The following OSBPL10 variants were observed in gnomAD, a reference collection of about 807,000 sequenced individuals.
OSBPL10 encodes oxysterol binding protein like 10.
A neutral mutation model predicts 81.7 loss-of-function variants in OSBPL10; 49 were observed. The observed-to-expected ratio is 0.60, with a 90% CI of 0.48 to 0.76. The LOEUF is 0.76. Ranked by LOEUF, OSBPL10 falls within the 30% of genes least tolerant of loss-of-function variation. OSBPL10 has a pLI of 0.00. For synonymous variants in OSBPL10, 419 were observed against 383.6 expected, an observed-to-expected ratio of 1.09 and a Z score of -1.08; for missense variants, 923 against 987.8, an observed-to-expected ratio of 0.93 and a Z score of 0.88.
chr3:31,900,774 TA>T (rs1696213347), intron 1 of OSBPL10, among the ~76,000 whole-genome samples: 1 of 152,260 alleles, frequency 6.6e-6, no homozygotes, highest in Admixed American at 6.5e-5. Flanking sequence ...TTTCCTGCCT[TA>T]CTGCAAAGCA....
chr3:32,010,100 G>T (rs940298532), intron 2 of OSBPL10, among the ~76,000 whole-genome samples: 1 of 151,948 alleles, frequency 6.6e-6, no homozygotes, highest in African/African-American at 2.4e-5. Flanking sequence ...GAGTCAAAGA[G>T]GAAGTCTCTC....
At chr3:31,892,228 G>A (rs1023564284) in intron 1 of OSBPL10, among the ~76,000 whole-genome samples, 1 of 152,000 alleles carries the variant, frequency 6.6e-6, no homozygotes, top group African/African-American at 2.4e-5. Context: ...TGGGGAGAGG[G>A]AATGGAGAAA....
chr3:31,674,973 T>G (rs572300658), intron 8 of OSBPL10, among the ~76,000 whole-genome samples: 4 of 152,328 alleles, frequency 2.6e-5, no homozygotes, highest in East Asian at 3.9e-4. Context: ...GCTAGGTATA[T>G]TAAATGTAGT....
At chr3:32,026,121 CAGAGAT>C (rs1207465938) in intron 2 of OSBPL10, among the ~76,000 whole-genome samples, 2 of 146,826 alleles carry the variant, frequency 1.4e-5, no homozygotes, top group African/African-American at 2.6e-5. Context: ...GAGATAGAGA[CAGAGAT>C]AGAGATAGAG....
At chr3:31,812,501 T>C (rs896267165) in intron 4 of OSBPL10, among the ~76,000 whole-genome samples, 8 of 152,100 alleles carry the variant, frequency 5.3e-5, no homozygotes, top group Non-Finnish European at 1.2e-4. Context: ...ATCTATGAAT[T>C]CTTTTTAGAA....
intron 9 of OSBPL10, among the ~76,000 whole-genome samples, chr3:31,670,216 G>T (rs1304739439): frequency 6.6e-6 from 1 of 152,216 alleles, no homozygotes; most frequent in African/African-American, 2.4e-5. Flanking sequence ...AAAGGGCAAA[G>T]ATGGAAGTTT....
intron 8 of OSBPL10, among the ~76,000 whole-genome samples, chr3:31,674,563 T>C (rs546077982): frequency 1.2e-4 from 18 of 150,378 alleles, no homozygotes; most frequent in Non-Finnish European, 1.9e-4. Flanking sequence ...CTGTCTCAAA[T>C]AGATAGACAG....
chr3:32,038,880 A>G (rs1462305935), intron 2 of OSBPL10, among the ~76,000 whole-genome samples: 2 of 152,238 alleles, frequency 1.3e-5, no homozygotes, highest in African/African-American at 4.8e-5. Flanking sequence ...TAGGCAAGAA[A>G]AGTAAAATAA....
chr3:31,707,387 C>G (rs1301244066), intron 6 of OSBPL10: 3 of 152,212 alleles, frequency 2.0e-5, no homozygotes, highest in African/African-American at 7.2e-5. Flanking sequence ...ACCTATATGG[C>G]AAGGACAGAC....
At chr3:31,932,371 G>A (rs969111783) in intron 1 of OSBPL10, among the ~76,000 whole-genome samples, 7 of 151,984 alleles carry the variant, frequency 4.6e-5, no homozygotes, top group African/African-American at 1.4e-4. Flanking sequence ...AAGTGATTTC[G>A]CTTCCTGCCT....
At chr3:32,043,613 G>T (rs984419371) in intron 2 of OSBPL10, among the ~76,000 whole-genome samples, 2 of 152,116 alleles carry the variant, frequency 1.3e-5, no homozygotes, top group Non-Finnish European at 2.9e-5. Flanking sequence ...CGGTCCCTCC[G>T]TTTGGGATCC....
At chr3:31,746,571 G>A (rs1444143684) in intron 5 of OSBPL10, among the ~76,000 whole-genome samples, 2 of 151,600 alleles carry the variant, frequency 1.3e-5, no homozygotes, top group Non-Finnish European at 1.5e-5. Context: ...CCAGCTACTC[G>A]AGAGGCTGAG....
chr3:31,728,685 G>A (rs749131714), intron 6 of OSBPL10, among the ~76,000 whole-genome samples: 19 of 152,078 alleles, frequency 1.2e-4, no homozygotes, highest in South Asian at 2.1e-4. Context: ...ATGACATTCC[G>A]GGAAAGACAA....
At chr3:31,781,385 C>G (rs183599220) in intron 4 of OSBPL10, among the ~76,000 whole-genome samples, 85 of 152,278 alleles carry the variant, frequency 5.6e-4, no homozygotes, top group African/African-American at 2.0e-3. Context: ...TGAAAGCATT[C>G]CCCCTGAGAA....
rs1482999277 is a variant in OSBPL10, at chr3:32,062,447, G to T, written n.185+14949C>A. 2.1e-5 allele frequency among the ~76,000 whole-genome samples: 2 copies of T among 94,052 alleles called. 1 individual carries two copies. The highest frequency in any genetic ancestry group is 5.7e-5 in the Non-Finnish European group (2 of 34,894). The allele number at this position is 94,052 out of a possible 152,430, so 61.7% of individuals were successfully genotyped here. On this transcript the variant is annotated intron_variant and non_coding_transcript_variant, in intron 1 of 3. Coordinates refer to the OSBPL10 transcript ENST00000479173. The stretch of plus-strand genomic sequence containing the variant: ...TTGTATGGCCCAGTATGTTTGTATG[G>T]CTATGGTATGTTTTTATCTGATGGT...
intron 1 of OSBPL10, among the ~76,000 whole-genome samples, chr3:32,060,142 A>G (rs1202284003): frequency 6.6e-6 from 1 of 152,178 alleles, no homozygotes; most frequent in Non-Finnish European, 1.5e-5. Context: ...TTCTGACAAA[A>G]AAACTACAAA....
chr3:31,898,951 C>CTTTTT (rs201574850), intron 1 of OSBPL10, among the ~76,000 whole-genome samples: 8 of 87,344 alleles, frequency 9.2e-5, no homozygotes, highest in Admixed American at 1.5e-4. Flanking sequence ...AACTTTAAAC[C>CTTTTT]TTTTTTTTTT....
chr3:31,822,444 T>C (rs1700001370), intron 4 of OSBPL10, among the ~76,000 whole-genome samples: 1 of 152,218 alleles, frequency 6.6e-6, no homozygotes, highest in Non-Finnish European at 1.5e-5. Flanking sequence ...AAGTCTCAAA[T>C]GTCACAACTG....
chr3:32,055,137 G>A (rs969820944), intron 1 of OSBPL10, among the ~76,000 whole-genome samples: 4 of 138,900 alleles, frequency 2.9e-5, no homozygotes, highest in Non-Finnish European at 6.2e-5. Context: ...TTAAAACTTT[G>A]CTGATCCTTT....
Sources: allele counts gnomAD v4.1 joint callset (sites outside exome capture counted in the v4.1 genomes callset), GRCh38; gene constraint gnomAD v4.1.1; transcripts MANE v1.5; gene names NCBI Gene and HGNC (gene_info 2026-07-23, HGNC 2026-07-21).